Variants in SNX6 observed in about 807,000 individuals in gnomAD.
The protein encoded by SNX6 is sorting nexin 6.
Under a neutral mutation model 63.0 loss-of-function variants are expected in SNX6, and 34 were observed. The ratio of observed to expected loss-of-function variants is 0.54; its 90% CI spans 0.41 to 0.72. The LOEUF is 0.72. SNX6 is among the 30% of genes least tolerant of loss of function. The pLI is 0.00. For synonymous variants in SNX6, 170 were observed against 164.2 expected (o/e 1.04, Z -0.27); for missense variants, 398 against 471.4 (o/e 0.84, Z 1.44).
At chr14:34,609,778 T>C (rs765233802) in intron 2 of SNX6, 36 bp from the exon 3 acceptor site, 3 of 1,360,666 alleles carry the variant, frequency 2.2e-6, no homozygotes, top group African/African-American at 2.9e-5. Flanking sequence ...ATGAAAATCA[T>C]GTTTTATATA....
intron 2 of SNX6, among the ~76,000 whole-genome samples, chr14:34,611,031 G>T (rs1883207349): frequency 6.6e-6 from 1 of 151,718 alleles, no homozygotes; most frequent in South Asian, 2.1e-4. Context: ...TTTGAGACAG[G>T]GTCTCAAAAC....
intron 8 of SNX6, among the ~76,000 whole-genome samples, chr14:34,592,692 T>C (rs1281014082): frequency 2.6e-5 from 4 of 152,098 alleles, no homozygotes; most frequent in Non-Finnish European, 5.9e-5. Flanking sequence ...GCTTTCCTAG[T>C]AGCTGGGACC....
At chr14:34,628,812 G>A (rs950838005) in intron 2 of SNX6, among the ~76,000 whole-genome samples, 2 of 152,086 alleles carry the variant, frequency 1.3e-5, no homozygotes, top group Non-Finnish European at 2.9e-5. Context: ...TGAAGTGCAG[G>A]CTGTGAAATG....
intron 2 of SNX6, among the ~76,000 whole-genome samples, chr14:34,625,081 A>G (rs896430194): frequency 6.6e-6 from 1 of 151,728 alleles, no homozygotes; most frequent in African/African-American, 2.4e-5. Context: ...ATGCCCAGCT[A>G]ATTTTCTGTA....
rs111453279 is a variant in SNX6, at chr14:34,602,969, C to T, written c.516+379G>A. 8.6e-3 allele frequency among the ~76,000 whole-genome samples: 1,220 copies of T among 141,882 alleles called. 14 individuals carry two copies. Among genetic ancestry groups the T allele is most frequent in the African/African-American group, 0.03 (1,144 of 37,920 alleles). 93.1% of individuals were successfully genotyped at this position (141,882 alleles called of 152,430 possible). ...CCAGCCTGGCTGACAGAGCGAGACT[C>T]CGTCTCAAAAAAAAAAAAAAAACTT... On this transcript the variant is annotated intron_variant, in intron 6 of 13. Transcript: ENST00000362031.
At chr14:34,624,184 T>A (rs1883736109) in intron 2 of SNX6, among the ~76,000 whole-genome samples, 1 of 152,094 alleles carries the variant, frequency 6.6e-6, no homozygotes. Flanking sequence ...CACTGCAACC[T>A]CTGCCTCCTG....
At chr14:34,573,300 C>T (rs530022816) in intron 11 of SNX6, among the ~76,000 whole-genome samples, 1 of 152,044 alleles carries the variant, frequency 6.6e-6, no homozygotes, top group South Asian at 2.1e-4. Context: ...TGAGGCCAGG[C>T]GGGATGGTTC....
At chr14:34,569,415 G>A (rs1292130986) in intron 11 of SNX6, among the ~76,000 whole-genome samples, 2 of 151,744 alleles carry the variant, frequency 1.3e-5, no homozygotes, top group East Asian at 3.9e-4. Context: ...TGCCTATTCT[G>A]GACATGTTTT....
chr14:34,624,490 C>T (rs2138391003), intron 2 of SNX6, among the ~76,000 whole-genome samples: 1 of 152,234 alleles, frequency 6.6e-6, no homozygotes, highest in Non-Finnish European at 1.5e-5. Context: ...TATTTTAAAA[C>T]ACTGACTTTA....
At position 34,629,933 on chromosome 14, in the gene SNX6, C is replaced by G. The variant is rs1273038006; in HGVS notation, c.28G>C (p.Asp10His). 6.4e-7 allele frequency: 1 copy of G among 1,551,886 alleles called. No individual in the cohort carries two copies. Among genetic ancestry groups the G allele is most frequent in the Non-Finnish European group, 8.7e-7 (1 of 1,150,124 alleles). MMEGLDDGP[D>H]FLSEEDRGLK... ...CCGCGGTCCTCTTCTGAGAGGAAGTCCGGGCCGTCGTCCAGGCCTTCCTGT... is the reference window on the plus strand; with the variant it reads ...CCGCGGTCCTCTTCTGAGAGGAAGTGCGGGCCGTCGTCCAGGCCTTCCTGT... Residue 10 changes from aspartate to histidine, a missense_variant, in exon 2 of 14, where the codon GAC becomes CAC. Coordinates refer to ENST00000362031, the MANE Select transcript of SNX6 (RefSeq NM_152233.4).
intron 11 of SNX6, among the ~76,000 whole-genome samples, chr14:34,573,237 C>T (rs1211381160): frequency 2.6e-5 from 4 of 152,114 alleles, no homozygotes; most frequent in Non-Finnish European, 5.9e-5. Flanking sequence ...ACTGGCCTCC[C>T]TAAGTGTTGG....
intron 2 of SNX6, among the ~76,000 whole-genome samples, chr14:34,611,562 T>A (rs1231627708): frequency 1.3e-5 from 2 of 150,624 alleles, no homozygotes; most frequent in East Asian, 4.0e-4. Context: ...GGCAGGTGGA[T>A]CATGAGGTCA....
In SNX6 at chr14:34,612,014, C is replaced by T. The variant is rs148549552; in HGVS notation, c.55-2272G>A. On this transcript the variant is annotated intron_variant, in intron 2 of 13. Coordinates refer to ENST00000362031, the MANE Select transcript of SNX6 (RefSeq NM_152233.4). The stretch of plus-strand genomic sequence containing the variant: ...CAGGATGGTCTCGATCTCCTGACCT[C>T]GTGATACGCCCGCCTCGGCCTCCCA... Among the ~76,000 whole-genome samples the T allele has an allele frequency of 4.4e-3, 672 of 152,252 alleles. 5 individuals carry two copies. Among genetic ancestry groups the T allele is most frequent in the African/African-American group, 0.016 (649 of 41,572 alleles).
At chr14:34,623,479 G>A (rs180672959) in intron 2 of SNX6, among the ~76,000 whole-genome samples, 3 of 152,088 alleles carry the variant, frequency 2.0e-5, no homozygotes, top group Non-Finnish European at 4.4e-5. Flanking sequence ...TTTCACTAAC[G>A]TGCTATATGG....
chr14:34,600,099 G>C (rs1174120831), intron 6 of SNX6, among the ~76,000 whole-genome samples: 1 of 151,932 alleles, frequency 6.6e-6, no homozygotes, highest in African/African-American at 2.4e-5. Flanking sequence ...CAAATTTTGA[G>C]CATCTCATTC....
intron 7 of SNX6, among the ~76,000 whole-genome samples, chr14:34,596,733 G>A (rs540800408): frequency 2.6e-5 from 4 of 151,632 alleles, no homozygotes; most frequent in Non-Finnish European, 5.9e-5. Flanking sequence ...GCCCAGGCTG[G>A]AGTGCAGTGG....
At chr14:34,588,931 CA>C (rs1882281993) in intron 8 of SNX6, among the ~76,000 whole-genome samples, 1 of 151,982 alleles carries the variant, frequency 6.6e-6, no homozygotes, top group Non-Finnish European at 1.5e-5. Context: ...GTCAAGAGTT[CA>C]AGACCAGCCT....
In SNX6 at chr14:34,617,919, C is replaced by CAA. The variant is rs749450307; in HGVS notation, c.55-8179_55-8178dup. On this transcript the variant is annotated intron_variant, in intron 2 of 13. Transcript: ENST00000362031. ...CTGGGGGACAGAGCAAGACTGCCTC[C>CAA]AAAAAAAAAAAAAAGACTTAGGAAG... Among the ~76,000 whole-genome samples, 206 of 88,114 alleles carry CAA rather than the reference C, an allele frequency of 2.3e-3. 2 individuals are homozygous for CAA. The highest frequency in any genetic ancestry group is 8.3e-3 in the African/African-American group (188 of 22,698). 57.8% of individuals were successfully genotyped at this position (88,114 alleles called of 152,430 possible). A position where few individuals can be genotyped will look rare whatever the true frequency, so the allele number is the denominator to read the frequency against.
chr14:34,568,580 C>T, intron 11 of SNX6: 3 of 599,116 alleles, frequency 5.0e-6, no homozygotes, highest in South Asian at 3.4e-5. Context: ...AAAGTGATCC[C>T]CCTATTTCAG....
Sources: gnomAD v4.1 joint callset for allele counts (sites outside exome capture counted in the v4.1 genomes callset) on GRCh38, gnomAD v4.1.1 for gene constraint, MANE v1.5 for transcripts, NCBI Gene and HGNC (gene_info 2026-07-23, HGNC 2026-07-21) for gene names.